TRAF3IP2: variants seen among roughly 807,000 people sequenced by gnomAD.
TRAF3IP2 encodes the protein E3 ubiquitin ligase TRAF3IP2.
Under a neutral mutation model 57.9 loss-of-function variants are expected in TRAF3IP2, and 35 were observed. The ratio of observed to expected loss-of-function variants is 0.60; its 90% CI spans 0.46 to 0.80. The LOEUF (loss-of-function observed/expected upper bound fraction) is 0.80. Ranked by LOEUF, TRAF3IP2 falls within the 30% of genes least tolerant of loss-of-function variation. TRAF3IP2 has a pLI of 0.00. For missense variants in TRAF3IP2, 556 were observed against 706.4 expected (o/e 0.79, Z 2.41); for synonymous variants, 251 against 268.9 (o/e 0.93, Z 0.65).
intron 3 of TRAF3IP2, chr6:111,576,461 G>A (rs1795991011): frequency 6.6e-6 from 1 of 152,268 alleles, no homozygotes; most frequent in Non-Finnish European, 1.5e-5. Flanking sequence ...CGCTTCTGTG[G>A]TTTCTGTCGG....
intron 6 of TRAF3IP2, 149 bp from the exon 7 acceptor site, chr6:111,566,709 T>A: frequency 1.3e-6 from 1 of 764,874 alleles, no homozygotes; most frequent in Non-Finnish European, 2.3e-6. Flanking sequence ...TCTCTGCTTC[T>A]CCCTTCTGTC....
intron 3 of TRAF3IP2, among the ~76,000 whole-genome samples, chr6:111,579,289 C>T (rs1796086296): frequency 7.9e-6 from 1 of 126,162 alleles, no homozygotes; most frequent in South Asian, 2.4e-4. Flanking sequence ...TGCACTCCAG[C>T]CTGGACGACA....
chr6:111,583,788 C>T (rs913746056), intron 2 of TRAF3IP2, among the ~76,000 whole-genome samples: 5 of 152,196 alleles, frequency 3.3e-5, no homozygotes, highest in Non-Finnish European at 7.3e-5. Context: ...AATTGTCTTC[C>T]ATGAAACTGG....
intron 2 of TRAF3IP2, among the ~76,000 whole-genome samples, chr6:111,589,081 T>G (rs1796425363): frequency 6.7e-6 from 1 of 149,024 alleles, no homozygotes; most frequent in South Asian, 2.2e-4. Flanking sequence ...CTTTTTTTTT[T>G]TTTTTTTTGA....
At chr6:111,586,491 A>T (rs1796341839) in intron 2 of TRAF3IP2, among the ~76,000 whole-genome samples, 2 of 152,168 alleles carry the variant, frequency 1.3e-5, no homozygotes, top group South Asian at 4.1e-4. Context: ...GGGTGAGGAG[A>T]AAACGTAGAC....
At position 111,556,807 on chromosome 6, in the gene TRAF3IP2, T is replaced by TAAGAGC. The variant is rs1795255180; in HGVS notation, c.*2597_*2598insGCTCTT. ...GTTTCTTATTTATAGTTGACAAGTA[T>TAAGAGC]TTGTCCTTTCCCTGTGCTACATATA... On this transcript the variant is annotated 3_prime_UTR_variant, in exon 9 of 9. Coordinates refer to ENST00000368761, the MANE Select transcript of TRAF3IP2 (RefSeq NM_147686.4). 8 of 152,334 alleles carry TAAGAGC rather than the reference T, an allele frequency of 5.3e-5. No homozygotes were observed. Among genetic ancestry groups the TAAGAGC allele is most frequent in the African/African-American group, 1.7e-4 (7 of 41,566 alleles). The allele number at this position is 152,334 out of a possible 1,614,324, so 9.4% of individuals were successfully genotyped here.
Position 111,559,426 on chromosome 6 carries a change from G to C in TRAF3IP2, c.1677C>G (p.Thr559=), listed in dbSNP as rs760514857. Residue 559 remains threonine (T), a synonymous_variant, in exon 9 of 9, where the codon ACC becomes ACG. Transcript: ENST00000368761. ...GGTGTCACAAGGGAACCACCTGAAG[G>C]GTGGGCAGAGGCCCCCGTGGAGGAG... The part of the protein sequence containing the change: ...YVAPPRGPLP[T]LQVVPL 5.6e-6 allele frequency: 9 copies of C among 1,613,876 alleles called. No homozygotes were observed. Among genetic ancestry groups the C allele is most frequent in the Non-Finnish European group, 7.6e-6 (9 of 1,179,996 alleles).
intron 8 of TRAF3IP2, 83 bp downstream of exon 8, chr6:111,562,882 G>T: frequency 9.6e-7 from 1 of 1,045,208 alleles, no homozygotes; most frequent in Non-Finnish European, 1.4e-6. Context: ...AAAAAGAATG[G>T]ACAAGGTTTT....
chr6:111,594,006 C>T (rs139930971), intron 1 of TRAF3IP2, among the ~76,000 whole-genome samples: 5,847 of 151,954 alleles, frequency 0.038, 383 homozygotes, highest in African/African-American at 0.13. Flanking sequence ...TGGCATGTGC[C>T]TGTAATCCCA....
At chr6:111,566,633 G>T in intron 6 of TRAF3IP2, 73 bp from the exon 7 acceptor site, 1 of 1,296,336 alleles carries the variant, frequency 7.7e-7, no homozygotes, top group Non-Finnish European at 1.1e-6. Context: ...CTGACACACG[G>T]GGTGGAGGGC....
chr6:111,567,362 C>G, intron 6 of TRAF3IP2: 1 of 1,212,540 alleles, frequency 8.2e-7, no homozygotes, highest in African/African-American at 1.6e-5. Context: ...CTTTCCTATT[C>G]TCGTCAAAAG....
chr6:111,580,501 G>A, intron 2 of TRAF3IP2, 112 bp from the exon 3 acceptor site: 3 of 898,766 alleles, frequency 3.3e-6, no homozygotes, highest in Non-Finnish European at 1.6e-6. Flanking sequence ...GAGGGGTCCA[G>A]ATATCTGTTA....
At position 111,585,628 on chromosome 6, in the gene TRAF3IP2, C is replaced by T. The variant is rs374473478; in HGVS notation, c.830-5239G>A. ...GTGTGAGAAGGGGAGACATATGAGT[C>T]GACAGCCACCTACTTGAGAATCCCT... is the stretch of plus-strand genomic sequence containing the variant. On this transcript the variant is annotated intron_variant, in intron 2 of 8. Transcript: ENST00000368761. Among the ~76,000 whole-genome samples the T allele has an allele frequency of 1.3e-5, 2 of 152,228 alleles. 1 individual carries two copies. The highest frequency in any genetic ancestry group is 4.8e-5 in the African/African-American group (2 of 41,524).
In TRAF3IP2 at chr6:111,559,401, G is replaced by A. The variant is rs370109607; in HGVS notation, c.*4C>T. 1.2e-5 allele frequency: 19 copies of A among 1,612,754 alleles called. No individual in the cohort carries two copies. Among genetic ancestry groups the A allele is most frequent in the East Asian group, 4.5e-5 (2 of 44,888 alleles). ...TGGCCTCAGTGATCTGGGGATGAAC[G>A]GTGTCACAAGGGAACCACCTGAAGG... On this transcript the variant is annotated 3_prime_UTR_variant, in exon 9 of 9. Coordinates refer to ENST00000368761, the MANE Select transcript of TRAF3IP2 (RefSeq NM_147686.4).
At position 111,562,831 on chromosome 6, in the gene TRAF3IP2, C is replaced by T. The variant is rs921560835; in HGVS notation, c.1551+134G>A. On this transcript the variant is annotated intron_variant, in intron 8 of 8. Coordinates refer to ENST00000368761, the MANE Select transcript of TRAF3IP2 (RefSeq NM_147686.4). ...TTGCACTCCAGGCTGGGCAACACAG[C>T]GAGACTCCATCTCAAAAAAAAAAAA... The T allele has an allele frequency of 6.7e-5, 45 of 674,720 alleles. 1 individual carries two copies. Among genetic ancestry groups the T allele is most frequent in the South Asian group, 3.0e-4 (15 of 50,704 alleles). The allele number at this position is 674,720 out of a possible 1,614,324, so 41.8% of individuals were successfully genotyped here. A position where few individuals can be genotyped will look rare whatever the true frequency, so the allele number is the denominator to read the frequency against.
chr6:111,577,685 G>A (rs576547830), intron 3 of TRAF3IP2, among the ~76,000 whole-genome samples: 83 of 150,472 alleles, frequency 5.5e-4, no homozygotes, highest in Non-Finnish European at 9.2e-4. Context: ...AGTTGGATGG[G>A]TTTGTGTGTA....
intron 5 of TRAF3IP2, among the ~76,000 whole-genome samples, chr6:111,569,270 G>C (rs746711038): frequency 2.6e-5 from 4 of 152,154 alleles, no homozygotes; most frequent in African/African-American, 9.7e-5. Flanking sequence ...GGACAGCTTG[G>C]GTTCTGTCTT....
At chr6:111,601,869 C>A (rs758139912) in intron 1 of TRAF3IP2, 3 of 152,132 alleles carry the variant, frequency 2.0e-5, no homozygotes, top group Admixed American at 6.5e-5. Flanking sequence ...AAAAAAAAAT[C>A]TTTAAACTCA....
intron 3 of TRAF3IP2, among the ~76,000 whole-genome samples, chr6:111,579,725 C>T (rs1407029838): frequency 1.3e-5 from 2 of 151,942 alleles, no homozygotes; most frequent in Non-Finnish European, 2.9e-5. Flanking sequence ...GAGCAAAACC[C>T]TGTCTCAAAA....
Sources: allele counts gnomAD v4.1 joint callset (sites outside exome capture counted in the v4.1 genomes callset), GRCh38; gene constraint gnomAD v4.1.1; transcripts MANE v1.5; gene names NCBI Gene and HGNC (gene_info 2026-07-23, HGNC 2026-07-21).